PREPL: variants seen among roughly 807,000 people sequenced by gnomAD.
The protein encoded by PREPL is prolyl endopeptidase-like.
Under a neutral mutation model 70.6 loss-of-function variants are expected in PREPL, and 77 were observed. That is an observed-to-expected ratio of 1.09 (90% confidence interval 0.91 to 1.32). The LOEUF is 1.32. Among genes scored for constraint, PREPL ranks in the 40% most tolerant of loss-of-function variants. The pLI is 0.00. For synonymous variants in PREPL, 315 were observed against 264.8 expected, an observed-to-expected ratio of 1.19 and a Z score of -1.84; for missense variants, 1,002 against 778.2, an observed-to-expected ratio of 1.29 and a Z score of -3.42.
chr2:44,347,299 G>A (rs919896230), intron 1 of PREPL: 1 of 152,192 alleles, frequency 6.6e-6, no homozygotes, highest in African/African-American at 2.4e-5. Flanking sequence ...TCATGCCATT[G>A]CACTCCAGCA....
intron 1 of PREPL, among the ~76,000 whole-genome samples, chr2:44,350,297 G>C (rs1300339058): frequency 2.0e-5 from 3 of 151,568 alleles, no homozygotes; most frequent in Non-Finnish European, 4.4e-5. Flanking sequence ...TCCAACATCA[G>C]AAAAAAATCT....
At chr2:44,342,144 A>T (rs1675292839) in intron 5 of PREPL, among the ~76,000 whole-genome samples, 1 of 152,224 alleles carries the variant, frequency 6.6e-6, no homozygotes, top group Non-Finnish European at 1.5e-5. Flanking sequence ...GTTCTAGGTC[A>T]TCTTTATGAA....
intron 1 of PREPL, among the ~76,000 whole-genome samples, chr2:44,358,931 T>A (rs931168965): frequency 6.6e-6 from 1 of 152,172 alleles, no homozygotes; most frequent in African/African-American, 2.4e-5. Context: ...TAATTTAGTG[T>A]TCTAGGAAAT....
At chr2:44,328,415 C>T (rs1217546614) in intron 9 of PREPL, among the ~76,000 whole-genome samples, 22 of 77,142 alleles carry the variant, frequency 2.9e-4, no homozygotes, top group African/African-American at 2.7e-4. Context: ...CCAGCCTGGG[C>T]GACAAAGCAA....
At position 44,361,153 on chromosome 2, in the gene PREPL, G is replaced by A. The variant is rs562839928; in HGVS notation, c.-49+227C>T. ...GACAGTATGCAAGGCTAGGATGGGGGTGGGGTAGATAAATGGGTGTTCTCA... is the reference window on the plus strand; with the variant it reads ...GACAGTATGCAAGGCTAGGATGGGGATGGGGTAGATAAATGGGTGTTCTCA... On this transcript the variant is annotated intron_variant, in intron 1 of 13. Transcript: ENST00000409411. 3.3e-5 allele frequency among the ~76,000 whole-genome samples: 5 copies of A among 152,330 alleles called. No individual in the cohort carries two copies. In the South Asian group the frequency reaches 8.3e-4, roughly 25 times the overall value.
At chr2:44,361,687 T>A, upstream of PREPL, 1 of 326,772 alleles carries the variant, frequency 3.1e-6, no homozygotes, top group Non-Finnish European at 5.5e-6. Context: ...TTCGCTAGTC[T>A]TCTGAGCTCG....
intron 1 of PREPL, among the ~76,000 whole-genome samples, chr2:44,358,123 T>C (rs1677247893): frequency 6.6e-6 from 1 of 152,302 alleles, no homozygotes; most frequent in African/African-American, 2.4e-5. Context: ...ATTGAAAAGA[T>C]AGTTTCTAAA....
At position 44,323,256 on chromosome 2, in the gene PREPL, C is replaced by T. The variant is rs771367539; in HGVS notation, c.1629+6G>A. ...AGGATAATCTAACACAATTGTCTTTCACTACCTGAGGTTTAATATTTTGAT... is the reference window on the plus strand; with the variant it reads ...AGGATAATCTAACACAATTGTCTTTTACTACCTGAGGTTTAATATTTTGAT... On this transcript the variant is annotated splice_donor_region_variant and intron_variant, in intron 11 of 13. Transcript: ENST00000409411. 19 of 1,585,398 alleles carry T rather than the reference C, an allele frequency of 1.2e-5. No individual in the cohort carries two copies. The East Asian group carries it at 4.0e-4, about 34-fold the overall frequency.
rs772483217 is a variant in PREPL at position 44,319,430 on chromosome 2, G to A, written c.*1926C>T. On this transcript the variant is annotated 3_prime_UTR_variant, in exon 14 of 14. Coordinates refer to ENST00000409411, the MANE Select transcript of PREPL (RefSeq NM_001171613.2). ...AATACAAAATATTAGAAACACTATCGTCAAAATGAAAGGGCATGGCTGAGT... is the reference window on the plus strand; with the variant it reads ...AATACAAAATATTAGAAACACTATCATCAAAATGAAAGGGCATGGCTGAGT... 4.6e-5 allele frequency: 7 copies of A among 152,366 alleles called. No homozygotes were observed. Among genetic ancestry groups the A allele is most frequent in the African/African-American group, 7.2e-5 (3 of 41,416 alleles). The allele number at this position is 152,366 out of a possible 1,614,324, so 9.4% of individuals were successfully genotyped here. A position where few individuals can be genotyped will look rare whatever the true frequency, so the allele number is the denominator to read the frequency against.
At position 44,329,062 on chromosome 2, in the gene PREPL, G is replaced by A; in HGVS notation, c.1137C>T (p.Asp379=). 1 of 1,611,274 alleles carries A rather than the reference G, an allele frequency of 6.2e-7. No homozygotes were observed. The highest frequency in any genetic ancestry group is 8.5e-7 in the Non-Finnish European group (1 of 1,177,668). The change falls in exon 9 of 14, where the codon GAC becomes GAT. Residue 379 remains aspartate, a synonymous_variant. Coordinates refer to ENST00000409411, the MANE Select transcript of PREPL (RefSeq NM_001171613.2). ...MTVFHKTDSE[D]LQKKPLLVHV... ...GTACCAAGAGAGGTTTCTTCTGCAA[G>A]TCCTCAGAGTCAGTTTTGTGGAAAA...
Position 44,320,192 on chromosome 2 carries a change from A to C in PREPL, c.*1164T>G. The stretch of plus-strand genomic sequence containing the variant: ...ACACTTACGTAAATACTTTTTTAAA[A>C]AAATAGGTCCAAAAGACTCAGCCCA... On this transcript the variant is annotated 3_prime_UTR_variant, in exon 14 of 14. Transcript: ENST00000409411. The C allele has an allele frequency of 3.1e-6, 5 of 1,609,690 alleles. No individual in the cohort carries two copies. Among genetic ancestry groups the C allele is most frequent in the Non-Finnish European group, 4.2e-6 (5 of 1,176,890 alleles).
intron 5 of PREPL, among the ~76,000 whole-genome samples, chr2:44,340,225 T>C (rs562293218): frequency 8.5e-5 from 13 of 152,166 alleles, no homozygotes; most frequent in African/African-American, 3.1e-4. Flanking sequence ...ATAAACAATA[T>C]AACAAGAAAC....
At chr2:44,360,122 G>A (rs1677528667) in intron 1 of PREPL, 1 of 156,042 alleles carries the variant, frequency 6.4e-6, no homozygotes, top group African/African-American at 2.4e-5. Flanking sequence ...GGAACTCAGG[G>A]CTGTAAAAGG....
At chr2:44,337,177 T>C (rs994284079) in intron 7 of PREPL, among the ~76,000 whole-genome samples, 2 of 152,244 alleles carry the variant, frequency 1.3e-5, no homozygotes, top group Non-Finnish European at 2.9e-5. Flanking sequence ...TGTCAGAGCA[T>C]ACAGCTTCAT....
chr2:44,349,039 C>CA (rs1157476561), intron 1 of PREPL, among the ~76,000 whole-genome samples: 1 of 152,148 alleles, frequency 6.6e-6, no homozygotes, highest in East Asian at 1.9e-4. Flanking sequence ...GTTACTGGTA[C>CA]AGTATCACTC....
intron 1 of PREPL, 89 bp from the exon 2 acceptor site, chr2:44,346,479 C>G (rs1675840042): frequency 8.2e-7 from 1 of 1,213,578 alleles, no homozygotes; most frequent in Admixed American, 2.2e-5. Flanking sequence ...ATACCGTAGA[C>G]TTAACGTTGT....
At chr2:44,347,818 T>C (rs1675992391) in intron 1 of PREPL, among the ~76,000 whole-genome samples, 1 of 152,220 alleles carries the variant, frequency 6.6e-6, no homozygotes, top group Non-Finnish European at 1.5e-5. Flanking sequence ...TTACCAACAT[T>C]GTAGAGAATG....
At chr2:44,323,527 TG>T in intron 10 of PREPL, 116 bp from the exon 11 acceptor site, 3 of 807,032 alleles carry the variant, frequency 3.7e-6, no homozygotes, top group Non-Finnish European at 5.4e-6. Flanking sequence ...ACTCAAGCCA[TG>T]TAGATTCCTA....
chr2:44,348,327 A>G (rs1676043094), intron 1 of PREPL, among the ~76,000 whole-genome samples: 2 of 152,260 alleles, frequency 1.3e-5, no homozygotes, highest in Non-Finnish European at 2.9e-5. Context: ...ATCTGTATCA[A>G]TAATCCCCTC....
Sources: allele counts gnomAD v4.1 joint callset (sites outside exome capture counted in the v4.1 genomes callset), GRCh38; gene constraint gnomAD v4.1.1; transcripts MANE v1.5; gene names NCBI Gene and HGNC (gene_info 2026-07-23, HGNC 2026-07-21).